AGMO: variants seen among roughly 807,000 people sequenced by gnomAD.
AGMO encodes the protein glyceryl-ether monooxygenase.
In AGMO, 75 loss-of-function variants were observed where a neutral mutation model predicts 60.2. The ratio of observed to expected loss-of-function variants is 1.25; its 90% CI spans 1.03 to 1.51. AGMO has a LOEUF of 1.51. AGMO is among the 40% of genes most tolerant of loss of function. The probability of loss-of-function intolerance (pLI) is 0.00; values close to 1 mark genes in which losing one functional copy is unlikely to be tolerated. For missense variants in AGMO, 763 were observed against 525.5 expected (o/e 1.45, Z -4.42); for synonymous variants, 261 against 177.1 (o/e 1.47, Z -3.76).
chr7:15,353,370 C>G (rs182143492), intron 12 of AGMO, among the ~76,000 whole-genome samples: 200 of 152,240 alleles, frequency 1.3e-3, no homozygotes, highest in Admixed American at 3.0e-3. Flanking sequence ...TCCAAACAAT[C>G]TAATTAATGG....
intron 12 of AGMO, 101 bp downstream of exon 12, chr7:15,365,413 T>C (rs2128561224): frequency 1.1e-5 from 4 of 350,120 alleles, no homozygotes; most frequent in East Asian, 5.7e-5. Flanking sequence ...ATTTCCCACA[T>C]GTACTGGTCA....
chr7:15,553,981 G>A (rs1197137314), intron 2 of AGMO, among the ~76,000 whole-genome samples: 2 of 151,986 alleles, frequency 1.3e-5, no homozygotes, highest in Admixed American at 1.3e-4. Flanking sequence ...TATATTCCCT[G>A]CTTTCTATTA....
intron 12 of AGMO, among the ~76,000 whole-genome samples, chr7:15,248,178 C>CTATATATATA (rs1782806404): frequency 4.3e-5 from 1 of 23,214 alleles, no homozygotes. Context: ...TGATCCAGCA[C>CTATATATATA]CATATATATA....
At chr7:15,217,092 G>A (rs1409941097) in intron 12 of AGMO, among the ~76,000 whole-genome samples, 2 of 152,050 alleles carry the variant, frequency 1.3e-5, no homozygotes, top group African/African-American at 4.8e-5. Context: ...GGTGAGGAAG[G>A]AAATACAGTT....
At chr7:15,199,984 T>C (rs1003379073), downstream of AGMO, among the ~76,000 whole-genome samples, 32 of 152,202 alleles carry the variant, frequency 2.1e-4, no homozygotes, top group African/African-American at 5.8e-4. Context: ...TCTATATTTT[T>C]GTCCATTCAA....
intron 12 of AGMO, among the ~76,000 whole-genome samples, chr7:15,347,682 T>C (rs1782084274): frequency 6.6e-6 from 1 of 152,036 alleles, no homozygotes; most frequent in Admixed American, 6.6e-5. Flanking sequence ...ATCCAAGTTC[T>C]TAAAATCTCC....
At chr7:15,387,374 TCAC>T (rs751499321) in intron 9 of AGMO, 29 bp downstream of exon 9, 4 of 1,604,706 alleles carry the variant, frequency 2.5e-6, no homozygotes, top group East Asian at 2.2e-5. Context: ...GAGACAATCT[TCAC>T]CATCTCCAAT....
chr7:15,394,409 A>G (rs1166446519), intron 5 of AGMO, among the ~76,000 whole-genome samples: 1 of 152,158 alleles, frequency 6.6e-6, no homozygotes, highest in East Asian at 1.9e-4. Flanking sequence ...CGTGGTTAAG[A>G]GCTAGACGAC....
At chr7:15,195,903 A>G (rs996679107), downstream of AGMO, among the ~76,000 whole-genome samples, 11 of 152,112 alleles carry the variant, frequency 7.2e-5, no homozygotes, top group Non-Finnish European at 1.5e-4. Context: ...TATGGTGACA[A>G]TATTTTTCGA....
At chr7:15,202,399 T>C (rs933027635) in intron 12 of AGMO, among the ~76,000 whole-genome samples, 2 of 143,398 alleles carry the variant, frequency 1.4e-5, no homozygotes, top group African/African-American at 5.2e-5. Flanking sequence ...ACTATGCTGA[T>C]TTTGCTATTA....
intron 3 of AGMO, among the ~76,000 whole-genome samples, chr7:15,541,953 T>G (rs923748818): frequency 6.6e-5 from 10 of 152,212 alleles, no homozygotes; most frequent in African/African-American, 2.4e-4. Context: ...GATTTGATTT[T>G]TTTCTTACTA....
At chr7:15,293,534 TA>T (rs898227718) in intron 12 of AGMO, among the ~76,000 whole-genome samples, 1 of 152,038 alleles carries the variant, frequency 6.6e-6, no homozygotes, top group Admixed American at 6.6e-5. Context: ...ATGTAAGTTA[TA>T]AAAAAATGTT....
intron 3 of AGMO, among the ~76,000 whole-genome samples, chr7:15,527,714 A>G (rs78649512): frequency 0.1 from 15,465 of 152,240 alleles, 1,031 homozygotes; most frequent in Non-Finnish European, 0.15. Flanking sequence ...GAAAGCTTCA[A>G]AGAACAGGCT....
the AGMO span, among the ~76,000 whole-genome samples, chr7:15,149,631 G>A: frequency 2.6e-5 from 4 of 152,058 alleles, no homozygotes; most frequent in East Asian, 7.7e-4. Flanking sequence ...GTAAATGTGT[G>A]GCTTTATTTC....
intron 3 of AGMO, among the ~76,000 whole-genome samples, chr7:15,526,527 T>A (rs924806959): frequency 3.3e-5 from 5 of 152,164 alleles, no homozygotes; most frequent in African/African-American, 1.2e-4. Context: ...TGCCTGTAAG[T>A]CTTACCTCCC....
At chr7:15,193,823 A>T in the AGMO span, among the ~76,000 whole-genome samples, 3 of 152,122 alleles carry the variant, frequency 2.0e-5, no homozygotes, top group Non-Finnish European at 4.4e-5. Flanking sequence ...TCACTTCTAA[A>T]ATCTGATGTC....
At position 15,385,551 on chromosome 7, in the gene AGMO, T is replaced by C. The variant is rs772255699; in HGVS notation, c.969A>G (p.Lys323=). 1.2e-6 allele frequency: 2 copies of C among 1,605,190 alleles called. No homozygotes were observed. Among genetic ancestry groups the C allele is most frequent in the South Asian group, 1.1e-5 (1 of 90,804 alleles). The change falls in exon 10 of 13, where the codon AAA becomes AAG. Residue 323 remains lysine, a synonymous_variant. Transcript: ENST00000342526. ...ATGAAGATGATGAGAAGGGAACTTC[T>C]TTGCCGGTGACCTAGGGAGACAAGA... ...LSEEIPEVTG[K]EVPFSSSSSQ... is the part of the protein sequence containing the mutation.
At chr7:15,462,607 AT>A in intron 3 of AGMO, among the ~76,000 whole-genome samples, 4 of 152,176 alleles carry the variant, frequency 2.6e-5, no homozygotes, top group Non-Finnish European at 4.4e-5. Flanking sequence ...CTTTAGATCT[AT>A]ATCTGCCCTA....
Position 15,489,919 on chromosome 7 carries a change from T to C in AGMO, c.409+54853A>G, listed in dbSNP as rs534103284. Among the ~76,000 whole-genome samples the C allele has an allele frequency of 5.9e-5, 9 of 152,278 alleles. No individual in the cohort carries two copies. The East Asian group carries it at 9.6e-4, about 16-fold the overall frequency. ...GAGTAAACAGCCTCAAAATGCAACG[T>C]AGATAATTAAAATATTACAAATTAC... On this transcript the variant is annotated intron_variant, in intron 3 of 12. Coordinates refer to ENST00000342526, the MANE Select transcript of AGMO (RefSeq NM_001004320.2).
Sources: gnomAD v4.1 joint callset for allele counts (sites outside exome capture counted in the v4.1 genomes callset) on GRCh38, gnomAD v4.1.1 for gene constraint, MANE v1.5 for transcripts, NCBI Gene and HGNC (gene_info 2026-07-23, HGNC 2026-07-21) for gene names.